Variants in ADGRA3 observed in about 807,000 individuals in gnomAD.
The protein encoded by ADGRA3 is G-protein coupled receptor 125.
Under a neutral mutation model 119.8 loss-of-function variants are expected in ADGRA3, and 56 were observed. The ratio of observed to expected loss-of-function variants is 0.47; its 90% CI spans 0.38 to 0.58. ADGRA3 has a LOEUF of 0.58. ADGRA3 is among the 20% of genes least tolerant of loss of function. ADGRA3 has a pLI of 0.00. For missense variants in ADGRA3, 1,516 were observed against 1,649.0 expected (o/e 0.92, Z 1.40); for synonymous variants, 607 against 623.8 (o/e 0.97, Z 0.40).
At position 22,514,852 on chromosome 4, in the gene ADGRA3, A is replaced by C. The variant is rs553766745; in HGVS notation, c.257+676T>G. Among the ~76,000 whole-genome samples, 47 of 152,248 alleles carry C rather than the reference A, an allele frequency of 3.1e-4. No homozygotes were observed. In the South Asian group the frequency reaches 9.5e-3, roughly 31 times the overall value. ...CAATCCGAAAATCAAAAATCCCTCG[A>C]GTTGGAAGGCTCAATAAACCCACGG... On this transcript the variant is annotated intron_variant, in intron 1 of 18. Coordinates refer to ENST00000334304, the MANE Select transcript of ADGRA3 (RefSeq NM_145290.4).
intron 1 of ADGRA3, among the ~76,000 whole-genome samples, chr4:22,504,866 T>C (rs1481816410): frequency 6.6e-6 from 1 of 152,088 alleles, no homozygotes; most frequent in African/African-American, 2.4e-5. Context: ...AAAATACCAA[T>C]GTCCAGGCCC....
intron 1 of ADGRA3, 78 bp downstream of exon 1, chr4:22,515,450 G>A: frequency 1.3e-6 from 2 of 1,524,502 alleles, no homozygotes; most frequent in South Asian, 1.2e-5. Flanking sequence ...GGTGCCGGCT[G>A]GACCCTGCTC....
intron 3 of ADGRA3, among the ~76,000 whole-genome samples, chr4:22,458,248 G>T (rs936785177): frequency 2.4e-4 from 37 of 152,158 alleles, no homozygotes; most frequent in Non-Finnish European, 1.0e-4. Flanking sequence ...CTCCAGCACA[G>T]ACAGAAGCAC....
rs1346605672 is a variant in ADGRA3, at chr4:22,445,042, T to C, written c.637A>G (p.Arg213Gly). 6.2e-7 allele frequency: 1 copy of C among 1,613,838 alleles called. No homozygotes were observed. Among genetic ancestry groups the C allele is most frequent in the Non-Finnish European group, 8.5e-7 (1 of 1,179,906 alleles). ...TGCAGTGACTTAGGATAAACACACC[T>C]GGTATCCCGTACCGTGATGTTCTTC... ...KEKNITVRDT[R>G]CVYPKSLQAQ... The change falls in exon 6 of 19, where the codon AGG (arginine) becomes GGG (glycine). Residue 213 changes from arginine (R) to glycine (G), a missense_variant. Around this residue, in one of 2 missense-constraint regions of ADGRA3, gnomAD observed 428 missense variants for 541.9 expected, o/e 0.79. Transcript: ENST00000334304.
At chr4:22,494,542 G>A (rs1245137074) in intron 1 of ADGRA3, among the ~76,000 whole-genome samples, 1 of 151,822 alleles carries the variant, frequency 6.6e-6, no homozygotes, top group African/African-American at 2.4e-5. Context: ...TCTGGATTGG[G>A]ACCTCTTTCC....
chr4:22,497,114 G>A (rs1459071996), intron 1 of ADGRA3, among the ~76,000 whole-genome samples: 1 of 152,192 alleles, frequency 6.6e-6, no homozygotes, highest in African/African-American at 2.4e-5. Context: ...GTGGGGAACA[G>A]AGGGAGACAA....
chr4:22,455,873 A>G, intron 3 of ADGRA3: 1 of 1,236,588 alleles, frequency 8.1e-7, no homozygotes, highest in Non-Finnish European at 1.1e-6. Context: ...GAAAACCCTA[A>G]AACAATGAAT....
At chr4:22,421,881 C>CCAAAAAAAAAAAAAAAA (rs767609157) in intron 11 of ADGRA3, among the ~76,000 whole-genome samples, 7 of 70,442 alleles carry the variant, frequency 9.9e-5, no homozygotes, top group African/African-American at 4.5e-4. Flanking sequence ...ACTCAGTCTC[C>CCAAAAAAAAAAAAAAAA]AAAAAAAAAA....
chr4:22,425,273 T>G (rs1044760134), intron 10 of ADGRA3, among the ~76,000 whole-genome samples: 2 of 152,122 alleles, frequency 1.3e-5, no homozygotes, highest in African/African-American at 2.4e-5. Context: ...AATGAATGCT[T>G]TTAAGATCTA....
At chr4:22,480,920 A>G (rs1252906269) in intron 1 of ADGRA3, among the ~76,000 whole-genome samples, 1 of 152,024 alleles carries the variant, frequency 6.6e-6, no homozygotes, top group African/African-American at 2.4e-5. Flanking sequence ...GTATGCCTGT[A>G]ATCCCAGTGC....
intron 11 of ADGRA3, among the ~76,000 whole-genome samples, chr4:22,423,785 G>T (rs1220827167): frequency 6.6e-6 from 1 of 152,206 alleles, no homozygotes; most frequent in Non-Finnish European, 1.5e-5. Context: ...ATTAGGCTCA[G>T]ATGGACTATG....
In ADGRA3 at chr4:22,486,867, T is replaced by C. The variant is rs146929249; in HGVS notation, c.258-13024A>G. On this transcript the variant is annotated intron_variant, in intron 1 of 18. Transcript: ENST00000334304. ...TCATCTGTATATCATCCCAGGCCTT[T>C]CTAAGAGACAATACAAGGCTTGTGT... is the stretch of plus-strand genomic sequence containing the variant. 4.0e-4 allele frequency among the ~76,000 whole-genome samples: 61 copies of C among 152,288 alleles called. 1 individual carries two copies. The highest frequency in any genetic ancestry group is 1.4e-3 in the African/African-American group (57 of 41,544).
At chr4:22,401,708 T>A (rs67023855) in intron 15 of ADGRA3, among the ~76,000 whole-genome samples, 154 bp from the exon 16 acceptor site, 1 of 18,422 alleles carries the variant, frequency 5.4e-5, no homozygotes, top group African/African-American at 1.1e-4. Context: ...CACACACACA[T>A]ACACACACGC....
chr4:22,411,216 T>TC (rs1465471509), intron 14 of ADGRA3, among the ~76,000 whole-genome samples: 3 of 152,254 alleles, frequency 2.0e-5, no homozygotes, highest in Non-Finnish European at 4.4e-5. Flanking sequence ...TTATTTCTCA[T>TC]CAGTACATCA....
intron 11 of ADGRA3, among the ~76,000 whole-genome samples, chr4:22,422,088 T>C (rs1447623488): frequency 6.6e-6 from 1 of 151,708 alleles, no homozygotes; most frequent in Non-Finnish European, 1.5e-5. Flanking sequence ...GAGGACAGAG[T>C]GGGCGTGAGA....
chr4:22,475,600 A>T (rs549319988), intron 1 of ADGRA3, among the ~76,000 whole-genome samples: 87 of 152,162 alleles, frequency 5.7e-4, no homozygotes, highest in African/African-American at 2.1e-3. Flanking sequence ...AGTGGTGGGC[A>T]CCTATATTCC....
At chr4:22,464,249 G>C (rs1030380931) in intron 2 of ADGRA3, among the ~76,000 whole-genome samples, 1 of 152,152 alleles carries the variant, frequency 6.6e-6, no homozygotes, top group Admixed American at 6.5e-5. Context: ...TCCACAAGAA[G>C]AAAACAGCTT....
At chr4:22,400,616 G>A (rs1445280211) in intron 16 of ADGRA3, among the ~76,000 whole-genome samples, 1 of 152,032 alleles carries the variant, frequency 6.6e-6, no homozygotes, top group East Asian at 1.9e-4. Context: ...GGTATCTGCT[G>A]TACAATGTTG....
Position 22,420,992 on chromosome 4 carries a change from C to A in ADGRA3, c.1703G>T (p.Arg568Leu), listed in dbSNP as rs148867805. The A allele has an allele frequency of 2.5e-6, 4 of 1,613,928 alleles. No individual in the cohort carries two copies. The highest frequency in any genetic ancestry group is 3.4e-6 in the Non-Finnish European group (4 of 1,179,974). The change falls in exon 12 of 19, where the codon CGT (arginine) becomes CTT (leucine). Residue 568 changes from arginine to leucine, a missense_variant. By Grantham distance (102) the Arg-to-Leu change is moderately radical. This residue lies in a region of ADGRA3 where 1,088 missense variants were observed against 1,107.1 expected (regional missense o/e 0.98). Coordinates refer to ENST00000334304, the MANE Select transcript of ADGRA3 (RefSeq NM_145290.4). ...CCTCCCATAATCCGAAAGTCCTGTA[C>A]GATCAGAGGCTGCCACTTTCTGGAA... is the stretch of plus-strand genomic sequence containing the variant. The part of the protein sequence containing the change: ...TVFQKVAASD[R>L]TGLSDYGRRD...
Sources: allele counts gnomAD v4.1 joint callset (sites outside exome capture counted in the v4.1 genomes callset), GRCh38; gene constraint gnomAD v4.1.1; regional missense constraint gnomAD v4.1.1; transcripts MANE v1.5; gene names NCBI Gene and HGNC (gene_info 2026-07-23, HGNC 2026-07-21).